Variants in ALK observed in about 807,000 individuals in gnomAD.
ALK encodes the protein ALK receptor tyrosine kinase.
In ALK, 74 loss-of-function variants were observed where a neutral mutation model predicts 163.1. The ratio of observed to expected loss-of-function variants is 0.45; its 90% CI spans 0.38 to 0.55. The LOEUF (loss-of-function observed/expected upper bound fraction) is 0.55, where lower values mean the gene tolerates loss of function less well. Among genes scored for constraint, ALK ranks in the 20% least tolerant of loss-of-function variants. The pLI, the probability that ALK is intolerant of heterozygous loss-of-function variation, is 0.00. For missense variants in ALK, 2,063 were observed against 2,105.3 expected (o/e 0.98, Z 0.39); for synonymous variants, 960 against 843.2 (o/e 1.14, Z -2.40).
chr2:29,762,591 T>A (rs1434557583), intron 1 of ALK, among the ~76,000 whole-genome samples: 1 of 152,228 alleles, frequency 6.6e-6, no homozygotes, highest in African/African-American at 2.4e-5. Flanking sequence ...AGGACTCAGT[T>A]ATGGCTGAAG....
chr2:29,556,814 A>G (rs1285666378), intron 3 of ALK, among the ~76,000 whole-genome samples: 1 of 152,248 alleles, frequency 6.6e-6, no homozygotes, highest in Non-Finnish European at 1.5e-5. Flanking sequence ...CTCAAGGGCC[A>G]TGAGGTAGCC....
chr2:29,592,044 G>A (rs986379056), intron 3 of ALK, among the ~76,000 whole-genome samples: 9 of 152,206 alleles, frequency 5.9e-5, no homozygotes, highest in African/African-American at 1.9e-4. Context: ...TGTCACTGGA[G>A]AACCAGCTCC....
At chr2:29,715,838 A>C (rs894376427) in intron 2 of ALK, among the ~76,000 whole-genome samples, 13 of 152,258 alleles carry the variant, frequency 8.5e-5, no homozygotes, top group Non-Finnish European at 1.8e-4. Flanking sequence ...TTTAAATAAA[A>C]TCAGGAAGTA....
chr2:29,479,542 G>T (rs1188808582), intron 4 of ALK, among the ~76,000 whole-genome samples: 1 of 152,180 alleles, frequency 6.6e-6, no homozygotes, highest in East Asian at 1.9e-4. Flanking sequence ...TGAAATCTCT[G>T]GATGTCACAC....
intron 2 of ALK, among the ~76,000 whole-genome samples, chr2:29,696,112 T>C (rs747729802): frequency 2.0e-5 from 3 of 152,184 alleles, no homozygotes; most frequent in Non-Finnish European, 2.9e-5. Flanking sequence ...CTGTTCACGA[T>C]AGCAAAGACT....
At chr2:29,251,409 C>G (rs911723319) in intron 11 of ALK, 142 bp from the exon 12 acceptor site, 36 of 818,794 alleles carry the variant, frequency 4.4e-5, no homozygotes, top group Non-Finnish European at 7.1e-5. Flanking sequence ...GCAAGAAACA[C>G]CAATCAGCCA....
At chr2:29,773,577 C>G (rs566827755) in intron 1 of ALK, among the ~76,000 whole-genome samples, 1 of 152,238 alleles carries the variant, frequency 6.6e-6, no homozygotes, top group South Asian at 2.1e-4. Context: ...TGATGAGTTT[C>G]TTTAGCATAA....
intron 1 of ALK, among the ~76,000 whole-genome samples, chr2:29,783,363 T>G (rs1468052135): frequency 6.6e-6 from 1 of 152,216 alleles, no homozygotes; most frequent in Non-Finnish European, 1.5e-5. Flanking sequence ...ACAGTTTTGC[T>G]GTAGGACCAA....
At chr2:29,811,482 G>T (rs1664758681) in intron 1 of ALK, among the ~76,000 whole-genome samples, 1 of 152,180 alleles carries the variant, frequency 6.6e-6, no homozygotes, top group Non-Finnish European at 1.5e-5. Context: ...CTTAAAAAAT[G>T]GATGTTCCCT....
At chr2:29,477,486 C>T (rs1671556142) in intron 4 of ALK, among the ~76,000 whole-genome samples, 1 of 152,174 alleles carries the variant, frequency 6.6e-6, no homozygotes, top group Admixed American at 6.5e-5. Flanking sequence ...TCCTTCCCAG[C>T]TAAGCAAGTC....
chr2:29,584,928 T>C (rs1274722029), intron 3 of ALK, among the ~76,000 whole-genome samples: 1 of 152,250 alleles, frequency 6.6e-6, no homozygotes, highest in Non-Finnish European at 1.5e-5. Flanking sequence ...TGTTTTGCTT[T>C]AGCTAAACTG....
intron 5 of ALK, among the ~76,000 whole-genome samples, chr2:29,379,342 A>G (rs999206805): frequency 1.3e-5 from 2 of 152,198 alleles, no homozygotes; most frequent in African/African-American, 4.8e-5. Context: ...GCCCAAAGCT[A>G]TAAAAGAAGG....
chr2:29,669,646 C>T (rs531784657), intron 3 of ALK, among the ~76,000 whole-genome samples: 3 of 152,100 alleles, frequency 2.0e-5, no homozygotes, highest in Admixed American at 6.6e-5. Context: ...TTATTCTCTG[C>T]TTTCTGGCTG....
chr2:29,630,376 TA>T (rs766472862), intron 3 of ALK, among the ~76,000 whole-genome samples: 4 of 152,302 alleles, frequency 2.6e-5, no homozygotes, highest in African/African-American at 4.8e-5. Context: ...TTTTATTTAT[TA>T]TTTTTTTTCT....
At chr2:29,800,796 T>A (rs1048967531) in intron 1 of ALK, among the ~76,000 whole-genome samples, 1 of 152,084 alleles carries the variant, frequency 6.6e-6, no homozygotes, top group South Asian at 2.1e-4. Context: ...ACCACAATAT[T>A]CCCAACGCAT....
At position 29,467,180 on chromosome 2, in the gene ALK, C is replaced by G. The variant is rs1361521253; in HGVS notation, c.1154+64735G>C. Among the ~76,000 whole-genome samples the G allele has an allele frequency of 2.0e-5, 3 of 150,020 alleles. No homozygotes were observed. In the South Asian group the frequency reaches 6.3e-4, roughly 32 times the overall value. ...ACTTTTGTTTTGGGATCATGAGGAC[C>G]AAGAGCCTTGTTTGACCAGGGCTTC... is the stretch of plus-strand genomic sequence containing the variant. On this transcript the variant is annotated intron_variant, in intron 4 of 28. Transcript: ENST00000389048.
chr2:29,524,511 C>T (rs543547291), intron 4 of ALK, among the ~76,000 whole-genome samples: 59 of 152,284 alleles, frequency 3.9e-4, no homozygotes, highest in Admixed American at 3.4e-3. Flanking sequence ...CTCTGAGATT[C>T]GGTTTACTCT....
chr2:29,693,536 CA>C (rs1409228222), intron 3 of ALK, among the ~76,000 whole-genome samples: 1 of 151,882 alleles, frequency 6.6e-6, no homozygotes, highest in Non-Finnish European at 1.5e-5. Context: ...GTTATAAAAA[CA>C]AAAAGTCAGC....
Position 29,222,547 on chromosome 2 carries a change from G to T in ALK, c.3420C>A (p.Asn1140Lys), listed in dbSNP as rs150785816. ...CAGCCACTTGCAGGGGGCTTGGGTC[G>T]TTGGGCATTCCGGACACCTGGCCTT... ...VYEGQVSGMP[N>K]DPSPLQVAVK... Residue 1140 changes from asparagine (N) to lysine (K), a missense_variant, in exon 21 of 29, where the codon AAC becomes AAA. Around this residue, in one of 5 missense-constraint regions of ALK, gnomAD observed 575 missense variants for 626.6 expected, o/e 0.92. Transcript: ENST00000389048. The T allele has an allele frequency of 6.2e-7, 1 of 1,613,964 alleles. No homozygotes were observed. Among genetic ancestry groups the T allele is most frequent in the African/African-American group, 1.3e-5 (1 of 74,870 alleles).
Sources: gnomAD v4.1 joint callset for allele counts (sites outside exome capture counted in the v4.1 genomes callset) on GRCh38, gnomAD v4.1.1 for gene constraint, gnomAD v4.1.1 regional missense constraint, MANE v1.5 for transcripts, NCBI Gene and HGNC (gene_info 2026-07-23, HGNC 2026-07-21) for gene names.